PGLS: variants seen among roughly 807,000 people sequenced by gnomAD.
PGLS encodes 6-phosphogluconolactonase.
In PGLS, 21 loss-of-function variants were observed where a neutral mutation model predicts 23.2. That is an observed-to-expected ratio of 0.91 (90% confidence interval 0.64 to 1.31). PGLS has a LOEUF of 1.31. Ranked by LOEUF, PGLS falls within the 50% of genes most tolerant of loss-of-function variation. PGLS has a pLI of 0.00. For missense variants in PGLS, 410 were observed against 354.0 expected (o/e 1.16, Z -1.27); for synonymous variants, 179 against 165.4 (o/e 1.08, Z -0.63).
Position 17,520,977 on chromosome 19 carries a change from C to T in PGLS, c.673C>T (p.Pro225Ser). 1 of 1,598,120 alleles carries T rather than the reference C, an allele frequency of 6.3e-7. No homozygotes were observed. The highest frequency in any genetic ancestry group is 1.7e-5 in the Admixed American group (1 of 58,210). ...GGAGGACCAGGAGGAAAACCCGCTGCCCGCCGCCCTGGTCCAGCCCCACAC... is the reference window on the plus strand; with the variant it reads ...GGAGGACCAGGAGGAAAACCCGCTGTCCGCCGCCCTGGTCCAGCCCCACAC... ...ILEDQEENPL[P>S]AALVQPHTGK... The change falls in exon 5 of 5, where the codon CCC (proline) becomes TCC (serine). Residue 225 changes from proline to serine, a missense_variant. By Grantham distance (74) the Pro-to-Ser change is moderately conservative. Coordinates refer to ENST00000252603, the MANE Select transcript of PGLS (RefSeq NM_012088.3).
chr19:17,519,734 T>C (rs1395380946), intron 4 of PGLS, among the ~76,000 whole-genome samples: 2 of 152,066 alleles, frequency 1.3e-5, no homozygotes, highest in Non-Finnish European at 1.5e-5. Flanking sequence ...CAACACCCGC[T>C]TATGTATATA....
rs1568434447 is a variant in PGLS at position 17,521,061 on chromosome 19, G to A, written c.757G>A (p.Glu253Lys). 2.5e-6 allele frequency: 4 copies of A among 1,601,954 alleles called. No homozygotes were observed. Among genetic ancestry groups the A allele is most frequent in the East Asian group, 2.3e-5 (1 of 44,216 alleles). Reference sequence around the variant, plus strand: ...CGCCCGCCTCCTGACCGTGCCCTTCGAGAAGCATTCCACTTTGTAGCTGGC... The same window carrying A: ...CGCCCGCCTCCTGACCGTGCCCTTCAAGAAGCATTCCACTTTGTAGCTGGC... ...AAARLLTVPF[E>K]KHSTL Residue 253 changes from glutamate to lysine, a missense_variant, in exon 5 of 5, where the codon GAG becomes AAG. Glu to Lys is a moderately conservative substitution (Grantham distance 56). Coordinates refer to ENST00000252603, the MANE Select transcript of PGLS (RefSeq NM_012088.3).
chr19:17,519,359 A>AAG (rs1391165562), intron 4 of PGLS, among the ~76,000 whole-genome samples: 2 of 151,680 alleles, frequency 1.3e-5, no homozygotes, highest in Non-Finnish European at 2.9e-5. Context: ...TGACCTTGTG[A>AAG]AGATTCTATG....
chr19:17,512,065 C>A, intron 1 of PGLS, 105 bp downstream of exon 1: 2 of 1,210,318 alleles, frequency 1.7e-6, no homozygotes, highest in African/African-American at 1.6e-5. Context: ...GGGCCGCGCC[C>A]ACTGTCTGCA....
rs112783522 is a variant in PGLS, at chr19:17,512,143, G to A, written c.288+183G>A. On this transcript the variant is annotated intron_variant, in intron 1 of 4. Coordinates refer to ENST00000252603, the MANE Select transcript of PGLS (RefSeq NM_012088.3). ...TGCCCACTGCCTGCACCTCGGCTAC[G>A]TGGGTCGCTGGGGGTCATGCCAAGA... is the stretch of plus-strand genomic sequence containing the variant. The A allele has an allele frequency of 3.0e-5, 20 of 659,874 alleles. 1 individual carries two copies. Among genetic ancestry groups the A allele is most frequent in the African/African-American group, 1.9e-4 (10 of 51,630 alleles). 40.9% of individuals were successfully genotyped at this position (659,874 alleles called of 1,614,324 possible).
chr19:17,512,031 A>T, intron 1 of PGLS, 71 bp downstream of exon 1: 1 of 1,429,432 alleles, frequency 7.0e-7, no homozygotes, highest in Non-Finnish European at 9.2e-7. Context: ...CCGGCTACGG[A>T]GGCCGCCGGG....
intron 1 of PGLS, among the ~76,000 whole-genome samples, chr19:17,515,254 T>G (rs1332842828): frequency 6.6e-6 from 1 of 152,166 alleles, no homozygotes; most frequent in Non-Finnish European, 1.5e-5. Context: ...GCCCTCAGTG[T>G]GGAGCTCATA....
Position 17,516,174 on chromosome 19 carries a change from C to G in PGLS, c.290C>G (p.Thr97Arg). 1.9e-6 allele frequency: 3 copies of G among 1,612,536 alleles called. No individual in the cohort carries two copies. The highest frequency in any genetic ancestry group is 2.2e-5 in the South Asian group (2 of 91,026). Residue 97 changes from threonine to arginine, a missense_variant and splice_region_variant, in exon 2 of 5, where the codon ACG becomes AGG. By Grantham distance (71) the Thr-to-Arg change is moderately conservative. Transcript: ENST00000252603. ...ACATTGTCCCTCTGTTGGCTGCAGA[C>G]GCATCTTCTCTCCAGACTGCCGATC... The part of the protein sequence containing the change: ...HAESTYGLYR[T>R]HLLSRLPIPE...
rs142868493 is a variant in PGLS, at chr19:17,517,806, G to A, written c.595G>A (p.Val199Ile). The A allele has an allele frequency of 8.5e-5, 137 of 1,614,018 alleles. No homozygotes were observed. The highest frequency in any genetic ancestry group is 1.1e-4 in the Non-Finnish European group (132 of 1,180,028). Residue 199 changes from valine to isoleucine, a missense_variant, in exon 4 of 5, where the codon GTC (valine) becomes ATC (isoleucine). By Grantham distance (29) the Val-to-Ile change is conservative. Coordinates refer to ENST00000252603, the MANE Select transcript of PGLS (RefSeq NM_012088.3). ...TLPVLNAARTVIFVATGEGKA... is the reference protein window; with the variant it reads ...TLPVLNAARTIIFVATGEGKA... Reference sequence around the variant, plus strand: ...ACCTGTCCTGAATGCAGCACGAACTGTCATCTTTGTGGCAACTGGAGAAGG... The same window carrying A: ...ACCTGTCCTGAATGCAGCACGAACTATCATCTTTGTGGCAACTGGAGAAGG...
At chr19:17,518,357 T>A in intron 4 of PGLS, 1 of 151,746 alleles carries the variant, frequency 6.6e-6, no homozygotes, top group African/African-American at 2.4e-5. Context: ...GAAAAAAAAA[T>A]CACGTGGTAT....
At chr19:17,518,094 C>T (rs2075542024) in intron 4 of PGLS, among the ~76,000 whole-genome samples, 1 of 150,088 alleles carries the variant, frequency 6.7e-6, no homozygotes, top group African/African-American at 2.4e-5. Context: ...TGAGATGAGG[C>T]CAAAGCTGCA....
At chr19:17,519,175 G>A (rs530722169) in intron 4 of PGLS, among the ~76,000 whole-genome samples, 1 of 151,484 alleles carries the variant, frequency 6.6e-6, no homozygotes, top group African/African-American at 2.4e-5. Flanking sequence ...TTAGCCAGGC[G>A]TGGTGGCGTG....
Position 17,515,247 on chromosome 19 carries a change from C to G in PGLS, c.289-926C>G, listed in dbSNP as rs1037042447. Reference sequence around the variant, plus strand: ...ACACCCTCCTTGGCTCCCCAATGCCCTCAGTGTGGAGCTCATACTCCTCAG... The same window carrying G: ...ACACCCTCCTTGGCTCCCCAATGCCGTCAGTGTGGAGCTCATACTCCTCAG... On this transcript the variant is annotated intron_variant, in intron 1 of 4. Coordinates refer to ENST00000252603, the MANE Select transcript of PGLS (RefSeq NM_012088.3). Among the ~76,000 whole-genome samples, 6 of 152,182 alleles carry G rather than the reference C, an allele frequency of 3.9e-5. No individual in the cohort carries two copies. The South Asian group carries it at 1.2e-3, about 32-fold the overall frequency.
intron 1 of PGLS, 21 bp downstream of exon 1, chr19:17,511,981 CG>C: frequency 6.5e-7 from 1 of 1,526,862 alleles, no homozygotes. Context: ...CGGGGGCCGC[CG>C]GGGATCACGC....
At position 17,521,018 on chromosome 19, in the gene PGLS, G is replaced by A; in HGVS notation, c.714G>A (p.Trp238Ter). Residue 238 changes from tryptophan to a stop codon, truncating the protein, a stop_gained, in exon 5 of 5, where the codon TGG becomes TGA. Transcript: ENST00000252603. LOFTEE classifies it high-confidence loss of function. ...LVQPHTGKLC[W>*]FLDEAAARLL... ...AGCCCCACACCGGGAAACTGTGCTGGTTCTTGGACGAGGCGGCCGCCCGCC... is the reference window on the plus strand; with the variant it reads ...AGCCCCACACCGGGAAACTGTGCTGATTCTTGGACGAGGCGGCCGCCCGCC... 2 of 1,601,572 alleles carry A rather than the reference G, an allele frequency of 1.2e-6. No individual in the cohort carries two copies. The highest frequency in any genetic ancestry group is 1.7e-6 in the Non-Finnish European group (2 of 1,173,298).
intron 1 of PGLS, chr19:17,512,308 C>T (rs1219866009): frequency 5.7e-6 from 2 of 353,144 alleles, no homozygotes; most frequent in Admixed American, 4.9e-5. Context: ...TGAACCCCGC[C>T]TACAGTGGGT....
At chr19:17,512,030 G>A in intron 1 of PGLS, 70 bp downstream of exon 1, 1 of 1,437,038 alleles carries the variant, frequency 7.0e-7, no homozygotes, top group South Asian at 1.3e-5. Context: ...CCCGGCTACG[G>A]AGGCCGCCGG....
Position 17,511,677 on chromosome 19 carries a change from C to T in PGLS, c.5C>T (p.Ala2Val), listed in dbSNP as rs1041631450. The T allele has an allele frequency of 6.7e-6, 10 of 1,486,536 alleles. No individual in the cohort carries two copies. The highest frequency in any genetic ancestry group is 8.0e-6 in the Non-Finnish European group (9 of 1,126,852). The allele number at this position is 1,486,536 out of a possible 1,614,324, so 92.1% of individuals were successfully genotyped here. Residue 2 changes from alanine (A) to valine (V), a missense_variant, in exon 1 of 5, where the codon GCC becomes GTC. Physicochemically the swap from Ala to Val is moderately conservative, Grantham distance 64 (BLOSUM62 0). Transcript: ENST00000252603. ...CTCCCCGCCGCCGCCCTCGCCATGG[C>T]CGCGCCGGCCCCGGGCCTCATCTCG... is the stretch of plus-strand genomic sequence containing the variant. M[A>V]APAPGLISVF...
intron 4 of PGLS, among the ~76,000 whole-genome samples, chr19:17,519,592 G>A (rs1249088273): frequency 6.6e-6 from 1 of 151,858 alleles, no homozygotes; most frequent in Non-Finnish European, 1.5e-5. Flanking sequence ...TAGAGACAGG[G>A]TTTCACAACA....
Sources: allele counts gnomAD v4.1 joint callset (sites outside exome capture counted in the v4.1 genomes callset), GRCh38; gene constraint gnomAD v4.1.1; transcripts MANE v1.5; gene names NCBI Gene and HGNC (gene_info 2026-07-23, HGNC 2026-07-21).